RPIA: variants seen among roughly 807,000 people sequenced by gnomAD.
The protein encoded by RPIA is ribose-5-phosphate isomerase.
In RPIA, 29 loss-of-function variants were observed where a neutral mutation model predicts 37.8. The ratio of observed to expected loss-of-function variants is 0.77; its 90% CI spans 0.57 to 1.05. RPIA has a LOEUF of 1.05. Among genes scored for constraint, RPIA ranks in the 50% least tolerant of loss-of-function variants. The probability of loss-of-function intolerance (pLI) is 0.00; values close to 1 mark genes in which losing one functional copy is unlikely to be tolerated. For synonymous variants in RPIA, 167 were observed against 157.0 expected, an observed-to-expected ratio of 1.06 and a Z score of -0.48; for missense variants, 385 against 413.6, an observed-to-expected ratio of 0.93 and a Z score of 0.60.
chr2:88,748,178 A>G (rs569198479), intron 8 of RPIA, among the ~76,000 whole-genome samples: 4 of 149,046 alleles, frequency 2.7e-5, no homozygotes, highest in Non-Finnish European at 6.0e-5. Context: ...ACAAATTGCA[A>G]CTCCTCCCGC....
chr2:88,736,502 CT>C, intron 6 of RPIA, 32 bp from the exon 7 acceptor site: 1 of 1,613,724 alleles, frequency 6.2e-7, no homozygotes, highest in Non-Finnish European at 8.5e-7. Context: ...AGCTTATTTA[CT>C]TTTATTGTAC....
intron 7 of RPIA, 85 bp from the exon 8 acceptor site, chr2:88,737,892 G>A (rs926945374): frequency 1.0e-6 from 1 of 984,906 alleles, no homozygotes; most frequent in Non-Finnish European, 1.6e-6. Flanking sequence ...ATGCATACTT[G>A]TCTTTGGTTA....
chr2:88,750,374 G>A lies in RPIA; in HGVS notation c.*296G>A, dbSNP rs1478264875. The stretch of plus-strand genomic sequence containing the variant: ...ATATTTACCAAAAAAAAAAAATGAG[G>A]TAAACTGTATTTAAAACCTTTGACT... On this transcript the variant is annotated 3_prime_UTR_variant, in exon 9 of 9. Transcript: ENST00000283646. 2.4e-6 allele frequency: 1 copy of A among 418,616 alleles called. No homozygotes were observed. The highest frequency in any genetic ancestry group is 2.0e-5 in the African/African-American group (1 of 49,388). 25.9% of individuals were successfully genotyped at this position (418,616 alleles called of 1,614,324 possible). A position where few individuals can be genotyped will look rare whatever the true frequency, so the allele number is the denominator to read the frequency against.
At chr2:88,735,546 A>C in intron 5 of RPIA, 123 bp from the exon 6 acceptor site, 1 of 902,714 alleles carries the variant, frequency 1.1e-6, no homozygotes, top group South Asian at 1.3e-5. Context: ...CCCTTTAAAA[A>C]TTAAAAGTTA....
intron 3 of RPIA, among the ~76,000 whole-genome samples, chr2:88,716,009 C>G (rs1573467646): frequency 6.6e-6 from 1 of 152,026 alleles, no homozygotes; most frequent in East Asian, 1.9e-4. Context: ...AGCTACATAC[C>G]TCCCTCAAAA....
intron 3 of RPIA, among the ~76,000 whole-genome samples, chr2:88,709,934 G>C (rs1672941837): frequency 6.6e-6 from 1 of 152,162 alleles, no homozygotes; most frequent in South Asian, 2.1e-4. Context: ...CCTCGTCCTG[G>C]GGGACTAAAC....
chr2:88,692,062 GGGGCGCGCCTAGCTCC>G, intron 1 of RPIA, 79 bp downstream of exon 1: 6 of 1,497,678 alleles, frequency 4.0e-6, no homozygotes, highest in Non-Finnish European at 5.4e-6. Flanking sequence ...GGGTGCTGCC[GGGGCGCGCCTAGCTCC>G]TGGCAGGGCG....
chr2:88,700,315 G>T (rs967218801), intron 3 of RPIA, among the ~76,000 whole-genome samples: 1 of 152,306 alleles, frequency 6.6e-6, no homozygotes, highest in East Asian at 1.9e-4. Context: ...TGGCCCGGTA[G>T]TCTCTCTCCT....
chr2:88,745,616 C>T (rs1377507383), intron 8 of RPIA, among the ~76,000 whole-genome samples: 1 of 152,030 alleles, frequency 6.6e-6, no homozygotes. Flanking sequence ...CCAATCCCTT[C>T]TGGCTTGTAG....
At chr2:88,693,219 C>T (rs775671235) in intron 1 of RPIA, among the ~76,000 whole-genome samples, 3 of 152,186 alleles carry the variant, frequency 2.0e-5, no homozygotes, top group Non-Finnish European at 2.9e-5. Flanking sequence ...TCTAAGTTGT[C>T]CTGTTAATGA....
intron 3 of RPIA, among the ~76,000 whole-genome samples, chr2:88,727,212 G>T (rs187197057): frequency 6.5e-4 from 99 of 152,324 alleles, no homozygotes; most frequent in African/African-American, 2.3e-3. Flanking sequence ...TCTCAGAAGT[G>T]TCATATCATC....
chr2:88,728,374 AAATTGCC>A (rs1344005381), intron 3 of RPIA, among the ~76,000 whole-genome samples: 1 of 152,194 alleles, frequency 6.6e-6, no homozygotes, highest in Non-Finnish European at 1.5e-5. Context: ...TAGATGAGAA[AAATTGCC>A]AAGGGTCACA....
In RPIA at chr2:88,750,373, G is replaced by A; in HGVS notation, c.*295G>A. 1 of 417,944 alleles carries A rather than the reference G, an allele frequency of 2.4e-6. No individual in the cohort carries two copies. The highest frequency in any genetic ancestry group is 4.2e-6 in the Non-Finnish European group (1 of 236,884). The allele number at this position is 417,944 out of a possible 1,614,324, so 25.9% of individuals were successfully genotyped here. ...AATATTTACCAAAAAAAAAAAATGAGGTAAACTGTATTTAAAACCTTTGAC... is the reference window on the plus strand; with the variant it reads ...AATATTTACCAAAAAAAAAAAATGAAGTAAACTGTATTTAAAACCTTTGAC... On this transcript the variant is annotated 3_prime_UTR_variant, in exon 9 of 9. Transcript: ENST00000283646.
intron 3 of RPIA, among the ~76,000 whole-genome samples, chr2:88,713,150 G>T: frequency 2.4e-5 from 2 of 83,710 alleles, no homozygotes; most frequent in African/African-American, 5.4e-5. Context: ...GCTACGAGTA[G>T]GCCTTTTTTT....
chr2:88,750,786 G>C lies in RPIA; in HGVS notation c.*708G>C. On this transcript the variant is annotated 3_prime_UTR_variant, in exon 9 of 9. Transcript: ENST00000283646. ...CCAAAGCACTGCTGTGAAATGTGAA[G>C]TACTTTGTTTTTTTATTTTTAATGA... The C allele has an allele frequency of 2.5e-6, 1 of 398,618 alleles. No individual in the cohort carries two copies. The highest frequency in any genetic ancestry group is 4.4e-6 in the Non-Finnish European group (1 of 226,062). The allele number at this position is 398,618 out of a possible 1,614,324, so 24.7% of individuals were successfully genotyped here.
chr2:88,706,288 A>C (rs1449324049), intron 3 of RPIA, among the ~76,000 whole-genome samples: 1 of 152,182 alleles, frequency 6.6e-6, no homozygotes, highest in African/African-American at 2.4e-5. Flanking sequence ...ATAATATCGA[A>C]GACATGGAAT....
intron 1 of RPIA, among the ~76,000 whole-genome samples, chr2:88,693,117 A>C (rs1286157167): frequency 6.6e-6 from 1 of 152,250 alleles, no homozygotes; most frequent in Non-Finnish European, 1.5e-5. Flanking sequence ...TAAAATTGAG[A>C]CAATAAGCTG....
chr2:88,724,934 A>G (rs776231332), intron 3 of RPIA, among the ~76,000 whole-genome samples: 1 of 152,234 alleles, frequency 6.6e-6, no homozygotes, highest in South Asian at 2.1e-4. Context: ...GTGAAATAAT[A>G]AAACTACATT....
At chr2:88,695,069 G>A (rs977021293) in intron 1 of RPIA, among the ~76,000 whole-genome samples, 1 of 152,144 alleles carries the variant, frequency 6.6e-6, no homozygotes, top group Non-Finnish European at 1.5e-5. Flanking sequence ...AAGGTCCCTG[G>A]AGGATGGTGT....
Sources: gnomAD v4.1 joint callset for allele counts (sites outside exome capture counted in the v4.1 genomes callset) on GRCh38, gnomAD v4.1.1 for gene constraint, MANE v1.5 for transcripts, NCBI Gene and HGNC (gene_info 2026-07-23, HGNC 2026-07-21) for gene names.